MED12L: variants seen among roughly 807,000 people sequenced by gnomAD.
The protein encoded by MED12L is mediator complex subunit 12L, also known as mediator of RNA polymerase II transcription subunit 12-like protein.
Under a neutral mutation model 281.3 loss-of-function variants are expected in MED12L, and 60 were observed. That is an observed-to-expected ratio of 0.21 (90% confidence interval 0.17 to 0.26). The LOEUF (loss-of-function observed/expected upper bound fraction) is 0.26. Among genes scored for constraint, MED12L ranks in the 10% least tolerant of loss-of-function variants. The pLI is 1.00. For synonymous variants in MED12L, 974 were observed against 987.2 expected (o/e 0.99, Z 0.25); for missense variants, 2,146 against 2,680.9 (o/e 0.80, Z 4.41).
intron 43 of MED12L, among the ~76,000 whole-genome samples, chr3:151,419,974 T>C (rs2087728): frequency 0.86 from 130,239 of 152,150 alleles, 55,990 homozygotes; most frequent in Middle Eastern, 0.97. Flanking sequence ...TGGTCATAGC[T>C]GGTATTGATG....
intron 39 of MED12L, among the ~76,000 whole-genome samples, chr3:151,408,707 C>A (rs577062214): frequency 1.3e-5 from 2 of 152,318 alleles, no homozygotes; most frequent in East Asian, 3.9e-4. Context: ...CATTAACTTA[C>A]AAAATTTATC....
chr3:151,130,665 G>A (rs1008141114), intron 5 of MED12L, among the ~76,000 whole-genome samples: 19 of 152,166 alleles, frequency 1.2e-4, no homozygotes, highest in Non-Finnish European at 1.5e-4. Flanking sequence ...ACCTGTGGGC[G>A]CGGCTCTTCC....
intron 2 of MED12L, among the ~76,000 whole-genome samples, chr3:151,115,327 C>CTTT (rs66728754): frequency 8.2e-5 from 5 of 60,806 alleles, no homozygotes; most frequent in East Asian, 4.5e-4. Context: ...GGAAACAATT[C>CTTT]TTTTTTTTTT....
In MED12L at chr3:151,384,144, G is replaced by A; in HGVS notation, c.4852G>A (p.Asp1618Asn). The part of the protein sequence containing the change: ...GVLINGTLAS[D>N]LSNASPGGSE... ...TTTAATCAATGGAACGTTAGCCTCTGACCTATCAAATGCATCCCCTGGGGG... is the reference window on the plus strand; with the variant it reads ...TTTAATCAATGGAACGTTAGCCTCTAACCTATCAAATGCATCCCCTGGGGG... The change falls in exon 35 of 45, where the codon GAC (aspartate) becomes AAC (asparagine). Residue 1618 changes from aspartate (D) to asparagine (N), a missense_variant. By Grantham distance (23) the Asp-to-Asn change is conservative. Around this residue, in one of 9 missense-constraint regions of MED12L, gnomAD observed 212 missense variants for 340.8 expected, o/e 0.62. Transcript: ENST00000687756. The A allele has an allele frequency of 6.2e-7, 1 of 1,614,038 alleles. No individual in the cohort carries two copies. The highest frequency in any genetic ancestry group is 8.5e-7 in the Non-Finnish European group (1 of 1,179,948).
In MED12L at chr3:151,338,686, G is replaced by A. The variant is rs192284069; in HGVS notation, c.2251-11373G>A. 9.4e-5 allele frequency: 152 copies of A among 1,613,520 alleles called. 1 individual carries two copies. In the South Asian group the frequency reaches 1.1e-3, roughly 12 times the overall value. On this transcript the variant is annotated intron_variant, in intron 16 of 44. Transcript: ENST00000687756. ...AAAATAATAAAGTTTGATTTACTCC[G>A]GATTTGAAAGAAAATCCTCATCGCC...
At chr3:151,393,038 TTC>T (rs1714489733) in intron 38 of MED12L, among the ~76,000 whole-genome samples, 1 of 152,248 alleles carries the variant, frequency 6.6e-6, no homozygotes, top group Non-Finnish European at 1.5e-5. Flanking sequence ...TAGATTGATC[TTC>T]TGTTTTTTTC....
chr3:151,365,308 C>A, intron 22 of MED12L, 102 bp downstream of exon 22: 1 of 916,922 alleles, frequency 1.1e-6, no homozygotes, highest in Non-Finnish European at 1.7e-6. Flanking sequence ...TCACATTTGG[C>A]TATCATTTGC....
intron 16 of MED12L, among the ~76,000 whole-genome samples, chr3:151,209,333 G>A (rs1023260570): frequency 1.3e-5 from 2 of 152,220 alleles, no homozygotes; most frequent in East Asian, 1.9e-4. Flanking sequence ...TATCACATAC[G>A]TTTACTGCAG....
intron 16 of MED12L, among the ~76,000 whole-genome samples, chr3:151,268,671 T>A (rs1287464914): frequency 6.6e-6 from 1 of 152,214 alleles, no homozygotes; most frequent in Non-Finnish European, 1.5e-5. Context: ...GAGCCTTTAG[T>A]AAGCTTTGAA....
intron 43 of MED12L, chr3:151,425,834 T>C: frequency 1.8e-5 from 8 of 438,014 alleles, no homozygotes; most frequent in South Asian, 1.3e-4. Flanking sequence ...ATTCACTCTT[T>C]AAATGCGTGA....
intron 16 of MED12L, chr3:151,338,093 A>G (rs372432734): frequency 8.7e-6 from 14 of 1,613,976 alleles, no homozygotes; most frequent in South Asian, 3.3e-5. Flanking sequence ...CAAAATGGAA[A>G]GGAACAAAAC....
At chr3:151,118,721 T>A (rs957382470) in intron 3 of MED12L, among the ~76,000 whole-genome samples, 2 of 150,180 alleles carry the variant, frequency 1.3e-5, no homozygotes, top group Non-Finnish European at 3.0e-5. Flanking sequence ...CAAGGTGGAG[T>A]CTTGCTCCGT....
intron 16 of MED12L, among the ~76,000 whole-genome samples, chr3:151,344,807 T>C (rs549246920): frequency 1.3e-5 from 2 of 152,356 alleles, no homozygotes; most frequent in Non-Finnish European, 2.9e-5. Flanking sequence ...TTAAAAATTC[T>C]ATGATAATTG....
chr3:151,288,638 A>G (rs547429060), intron 16 of MED12L, among the ~76,000 whole-genome samples: 2 of 152,338 alleles, frequency 1.3e-5, no homozygotes, highest in South Asian at 4.1e-4. Flanking sequence ...ATGTCATTAT[A>G]TATTTTTCTC....
At chr3:151,171,174 A>C (rs1721377433) in intron 11 of MED12L, among the ~76,000 whole-genome samples, 1 of 152,140 alleles carries the variant, frequency 6.6e-6, no homozygotes, top group South Asian at 2.1e-4. Context: ...GGAGGTGGCA[A>C]ATCCTGACAT....
At chr3:151,400,676 A>T (rs1715558451) in intron 39 of MED12L, among the ~76,000 whole-genome samples, 1 of 152,206 alleles carries the variant, frequency 6.6e-6, no homozygotes, top group South Asian at 2.1e-4. Flanking sequence ...CTTCATGGGA[A>T]CATGCTCTTG....
At chr3:151,167,539 A>C (rs113323914) in intron 11 of MED12L, among the ~76,000 whole-genome samples, 6 of 152,348 alleles carry the variant, frequency 3.9e-5, no homozygotes, top group African/African-American at 1.4e-4. Flanking sequence ...CCAGATTATT[A>C]TTCTTTTTGG....
Position 151,394,838 on chromosome 3 carries a change from A to G in MED12L, c.5791A>G (p.Arg1931Gly), listed in dbSNP as rs1714748214. 1 of 1,614,048 alleles carries G rather than the reference A, an allele frequency of 6.2e-7. No homozygotes were observed. Among genetic ancestry groups the G allele is most frequent in the African/African-American group, 1.3e-5 (1 of 74,948 alleles). Residue 1931 changes from arginine (R) to glycine (G), a missense_variant, in exon 39 of 45, where the codon AGG (arginine) becomes GGG (glycine). Around this residue, in one of 9 missense-constraint regions of MED12L, gnomAD observed 496 missense variants for 512.0 expected, o/e 0.97. Transcript: ENST00000687756. ...GCAGCAGCAGCAACAGCGACTTCTC[A>G]GGCAAGCCCAGACTCGGCCTTTCCA... ...LQQQQQQRLL[R>G]QAQTRPFQQG... is the part of the protein sequence containing the mutation.
intron 16 of MED12L, among the ~76,000 whole-genome samples, chr3:151,279,424 C>A (rs6803454): frequency 6.6e-6 from 1 of 152,060 alleles, no homozygotes; most frequent in African/African-American, 2.4e-5. Flanking sequence ...TGACACATAC[C>A]CAAACAGTTA....
Sources: gnomAD v4.1 joint callset for allele counts (sites outside exome capture counted in the v4.1 genomes callset) on GRCh38, gnomAD v4.1.1 for gene constraint, gnomAD v4.1.1 regional missense constraint, MANE v1.5 for transcripts, NCBI Gene and HGNC (gene_info 2026-07-23, HGNC 2026-07-21) for gene names.